Variants in MEAK7 observed in about 807,000 individuals in gnomAD.
MEAK7 encodes the protein MTOR-associated protein MEAK7.
In MEAK7, 68 loss-of-function variants were observed where a neutral mutation model predicts 40.5. The observed-to-expected ratio is 1.68, with a 90% CI of 1.38 to 2.06. MEAK7 has a LOEUF of 2.06. Among genes scored for constraint, MEAK7 ranks in the 30% most tolerant of loss-of-function variants. The pLI is 0.00. For missense variants in MEAK7, 918 were observed against 580.5 expected, an observed-to-expected ratio of 1.58 and a Z score of -5.98; for synonymous variants, 338 against 231.9, an observed-to-expected ratio of 1.46 and a Z score of -4.16.
intron 2 of MEAK7, chr16:84,497,687 G>A (rs1914166378): frequency 6.8e-7 from 1 of 1,477,944 alleles, no homozygotes; most frequent in Non-Finnish European, 9.0e-7. Context: ...CAAAAACGGG[G>A]AGGGATGCGT....
rs1239126555 is a variant in MEAK7 at position 84,477,228 on chromosome 16, G to C, written c.*2685C>G. 6.7e-6 allele frequency: 1 copy of C among 149,708 alleles called. No homozygotes were observed. Among genetic ancestry groups the C allele is most frequent in the Non-Finnish European group, 1.5e-5 (1 of 68,014 alleles). The allele number at this position is 149,708 out of a possible 1,614,324, so 9.3% of individuals were successfully genotyped here. On this transcript the variant is annotated 3_prime_UTR_variant, in exon 8 of 8. Transcript: ENST00000343629. Reference sequence around the variant, plus strand: ...TTTCTTGAAACGGAGTTTCACTCTTGTTGCCCAGGCTAGAGTGCAATGGCA... The same window carrying C: ...TTTCTTGAAACGGAGTTTCACTCTTCTTGCCCAGGCTAGAGTGCAATGGCA...
chr16:84,490,275 T>TGG (rs531659615), intron 3 of MEAK7, among the ~76,000 whole-genome samples: 210 of 116,998 alleles, frequency 1.8e-3, no homozygotes, highest in Non-Finnish European at 3.6e-3. Context: ...TTCCCATAGC[T>TGG]GGGGGAAAAA....
At chr16:84,490,869 G>A (rs1006181247) in intron 3 of MEAK7, among the ~76,000 whole-genome samples, 4 of 152,042 alleles carry the variant, frequency 2.6e-5, no homozygotes, top group South Asian at 2.1e-4. Context: ...CTAAGAGTCT[G>A]GGATTCCTTA....
In MEAK7 at chr16:84,489,404, C is replaced by T; in HGVS notation, c.403G>A (p.Gly135Ser). Reference protein sequence around the residue: ...EVQKFTEDLVGSVVHVLSHRQ... With the variant: ...EVQKFTEDLVSSVVHVLSHRQ... The stretch of plus-strand genomic sequence containing the variant: ...TGGCTTAGCACGTGCACCACAGAGC[C>T]AACCAGATCCTCTGTAAACTGTAAG... Residue 135 changes from glycine (G) to serine (S), a missense_variant, in exon 4 of 8, where the codon GGC becomes AGC. Gly to Ser is a moderately conservative substitution (Grantham distance 56). Coordinates refer to ENST00000343629, the MANE Select transcript of MEAK7 (RefSeq NM_020947.4). 6.2e-7 allele frequency: 1 copy of T among 1,612,272 alleles called. No homozygotes were observed. The highest frequency in any genetic ancestry group is 8.5e-7 in the Non-Finnish European group (1 of 1,179,104).
chr16:84,490,045 G>C (rs1718593187), intron 3 of MEAK7, among the ~76,000 whole-genome samples: 1 of 152,158 alleles, frequency 6.6e-6, no homozygotes, highest in Non-Finnish European at 1.5e-5. Context: ...CAACCAACTG[G>C]TCTTCATTTA....
In MEAK7 at chr16:84,497,726, C is replaced by A; in HGVS notation, c.153+208G>T. On this transcript the variant is annotated intron_variant, in intron 2 of 7. Coordinates refer to ENST00000343629, the MANE Select transcript of MEAK7 (RefSeq NM_020947.4). Reference sequence around the variant, plus strand: ...GACACTGTCTATGGCTATTTTCACACAGTAACGGCAGAGCAGAGGAGCTAC... The same window carrying A: ...GACACTGTCTATGGCTATTTTCACAAAGTAACGGCAGAGCAGAGGAGCTAC... 2.9e-6 allele frequency: 4 copies of A among 1,370,934 alleles called. No homozygotes were observed. The South Asian group carries it at 5.0e-5, about 17-fold the overall frequency. 84.9% of individuals were successfully genotyped at this position (1,370,934 alleles called of 1,614,324 possible). A position where few individuals can be genotyped will look rare whatever the true frequency, so the allele number is the denominator to read the frequency against.
chr16:84,490,216 G>A (rs1044838844), intron 3 of MEAK7, among the ~76,000 whole-genome samples: 5 of 150,886 alleles, frequency 3.3e-5, no homozygotes, highest in South Asian at 2.1e-4. Context: ...GGTCAAATCC[G>A]AGGGAACGTT....
chr16:84,499,628 G>T (rs761957044), intron 1 of MEAK7, among the ~76,000 whole-genome samples: 1 of 152,120 alleles, frequency 6.6e-6, no homozygotes, highest in Non-Finnish European at 1.5e-5. Context: ...CATCACCCTC[G>T]GAGAAAACCC....
chr16:84,480,703 C>A lies in MEAK7; in HGVS notation c.1083G>T (p.Met361Ile), dbSNP rs202056370. The A allele has an allele frequency of 1.7e-5, 27 of 1,611,114 alleles. No homozygotes were observed. Among genetic ancestry groups the A allele is most frequent in the Admixed American group, 6.7e-5 (4 of 59,538 alleles). Residue 361 changes from methionine (M) to isoleucine (I), a missense_variant, in exon 7 of 8, where the codon ATG becomes ATT. Physicochemically the swap from Met to Ile is conservative, Grantham distance 10 (BLOSUM62 1). Coordinates refer to ENST00000343629, the MANE Select transcript of MEAK7 (RefSeq NM_020947.4). ...GCCCAAAGTAATTGTGCTGCCCCCC[C>A]ATACCCTGCAAAGGAAGCCAGGACA... is the stretch of plus-strand genomic sequence containing the variant. ...GQQTIPNGLG[M>I]GGQHNYFGLW...
intron 1 of MEAK7, chr16:84,502,922 T>G (rs1271573894): frequency 6.6e-6 from 1 of 152,200 alleles, no homozygotes; most frequent in Non-Finnish European, 1.5e-5. Context: ...CCAAGATGTT[T>G]TGCTTGACCA....
chr16:84,494,765 A>T, intron 3 of MEAK7: 1 of 453,322 alleles, frequency 2.2e-6, no homozygotes. Flanking sequence ...CATTCTGGAC[A>T]TGACAGATCA....
rs1914190957 is a variant in MEAK7 at position 84,497,959 on chromosome 16, T to G, written c.128A>C (p.Lys43Thr). ...CTGTAGTGCCTTCAGAGAGAAGGAT[T>G]TGGATGAGACATTCGGGCTGTTTTT... ...SDKNSPNVSS[K>T]SFSLKALQNH... is the part of the protein sequence containing the mutation. Residue 43 changes from lysine (K) to threonine (T), a missense_variant, in exon 2 of 8, where the codon AAA (lysine) becomes ACA (threonine). Lys to Thr is a moderately conservative substitution (Grantham distance 78). Coordinates refer to ENST00000343629, the MANE Select transcript of MEAK7 (RefSeq NM_020947.4). The G allele has an allele frequency of 6.2e-7, 1 of 1,614,180 alleles. No homozygotes were observed. Among genetic ancestry groups the G allele is most frequent in the Admixed American group, 1.7e-5 (1 of 60,022 alleles).
intron 1 of MEAK7, among the ~76,000 whole-genome samples, chr16:84,500,664 C>T (rs867029023): frequency 6.6e-6 from 1 of 152,188 alleles, no homozygotes; most frequent in Non-Finnish European, 1.5e-5. Context: ...CGCTTCCACT[C>T]CTCACGTTTC....
intron 5 of MEAK7, among the ~76,000 whole-genome samples, chr16:84,485,651 C>CATCG (rs1912973921): frequency 6.8e-6 from 1 of 147,190 alleles, no homozygotes; most frequent in Non-Finnish European, 1.5e-5. Context: ...TCCATCCATC[C>CATCG]ATCCATCCAT....
chr16:84,490,795 TTGCTTC>T (rs1318690676), intron 3 of MEAK7, among the ~76,000 whole-genome samples: 7 of 151,946 alleles, frequency 4.6e-5, no homozygotes, highest in Non-Finnish European at 7.4e-5. Flanking sequence ...TTTTCTCCAT[TTGCTTC>T]TGCGTGTCTC....
rs1443074191 is a variant in MEAK7, at chr16:84,486,680, C to G, written c.909G>C (p.Val303=). 1 of 1,613,844 alleles carries G rather than the reference C, an allele frequency of 6.2e-7. No individual in the cohort carries two copies. Among genetic ancestry groups the G allele is most frequent in the Non-Finnish European group, 8.5e-7 (1 of 1,179,942 alleles). Residue 303 remains valine (V), a synonymous_variant, in exon 5 of 8, where the codon GTG becomes GTC. Transcript: ENST00000343629. ...AAGAGCAAGAGGCAAACCCACCGAA[C>G]ACATGCTTGTCATGGTCCTCGAGGA... is the stretch of plus-strand genomic sequence containing the variant. The part of the protein sequence containing the change: ...VAVLEDHDKH[V]FGGFASCSWE...
rs535490487 is a variant in MEAK7 at position 84,487,405 on chromosome 16, TG to T, written c.530-347del. On this transcript the variant is annotated intron_variant, in intron 4 of 7. Transcript: ENST00000343629. ...TTCACATGGGGCTTGCTTTGTCTAT[TG>T]GCCAGCACTGATCTAAACAATCCGA... 8.5e-4 allele frequency: 213 copies of T among 249,498 alleles called. 1 individual carries two copies. The highest frequency in any genetic ancestry group is 3.7e-3 in the Admixed American group (72 of 19,698). 15.5% of individuals were successfully genotyped at this position (249,498 alleles called of 1,614,324 possible).
chr16:84,481,758 C>G (rs771688142), intron 6 of MEAK7, among the ~76,000 whole-genome samples: 62 of 152,014 alleles, frequency 4.1e-4, no homozygotes, highest in Non-Finnish European at 7.8e-4. Flanking sequence ...ATGGTGAAAC[C>G]CCGTCTCTAC....
chr16:84,482,501 C>G (rs1687313119), intron 6 of MEAK7, 91 bp downstream of exon 6: 1 of 1,598,670 alleles, frequency 6.3e-7, no homozygotes. Context: ...GCCACGCGCC[C>G]TGCCCTGATC....
Sources: allele counts gnomAD v4.1 joint callset (sites outside exome capture counted in the v4.1 genomes callset), GRCh38; gene constraint gnomAD v4.1.1; transcripts MANE v1.5; gene names NCBI Gene and HGNC (gene_info 2026-07-23, HGNC 2026-07-21).